Variants in SLC6A5 observed in about 807,000 individuals in gnomAD.
SLC6A5 encodes the protein sodium- and chloride-dependent glycine transporter 2.
Under a neutral mutation model 90.5 loss-of-function variants are expected in SLC6A5, and 58 were observed. The ratio of observed to expected loss-of-function variants is 0.64; its 90% CI spans 0.52 to 0.80. The LOEUF is 0.80. Among genes scored for constraint, SLC6A5 ranks in the 30% least tolerant of loss-of-function variants. The pLI is 0.00. For missense variants in SLC6A5, 1,015 were observed against 1,017.6 expected (o/e 1.00, Z 0.03); for synonymous variants, 427 against 401.4 (o/e 1.06, Z -0.76).
At chr11:20,606,867 A>T (rs1852591875) in intron 3 of SLC6A5, 140 bp from the exon 4 acceptor site, 3 of 1,013,124 alleles carry the variant, frequency 3.0e-6, no homozygotes, top group Non-Finnish European at 4.5e-6. Flanking sequence ...GAAACAGGAC[A>T]TCAAAGGGCT....
Position 20,607,090 on chromosome 11 carries a change from G to T in SLC6A5, c.763G>T (p.Ala255Ser). The T allele has an allele frequency of 6.2e-7, 1 of 1,614,100 alleles. No individual in the cohort carries two copies. Among genetic ancestry groups the T allele is most frequent in the Non-Finnish European group, 8.5e-7 (1 of 1,180,024 alleles). ...CTTGGAGGTGTCGCTGGGCCAGTTTGCCAGCCAGGGACCAGTGTCTGTGTG... is the reference window on the plus strand; with the variant it reads ...CTTGGAGGTGTCGCTGGGCCAGTTTTCCAGCCAGGGACCAGTGTCTGTGTG... ...FFLEVSLGQF[A>S]SQGPVSVWKA... The change falls in exon 4 of 16, where the codon GCC becomes TCC. Residue 255 changes from alanine (A) to serine (S), a missense_variant. Physicochemically the swap from Ala to Ser is moderately conservative, Grantham distance 99. Coordinates refer to ENST00000525748, the MANE Select transcript of SLC6A5 (RefSeq NM_004211.5).
In SLC6A5 at chr11:20,642,913, C is replaced by T. The variant is rs534745290; in HGVS notation, c.1970-3921C>T. 2.6e-5 allele frequency among the ~76,000 whole-genome samples: 4 copies of T among 152,314 alleles called. No homozygotes were observed. In the East Asian group the frequency reaches 7.7e-4, roughly 29 times the overall value. Reference sequence around the variant, plus strand: ...ACTGGCCCTGAAACCCAAGCCTTTTCACTCTTGGTCCCAGGACTGCTCCTC... The same window carrying T: ...ACTGGCCCTGAAACCCAAGCCTTTTTACTCTTGGTCCCAGGACTGCTCCTC... On this transcript the variant is annotated intron_variant, in intron 13 of 15. Coordinates refer to ENST00000525748, the MANE Select transcript of SLC6A5 (RefSeq NM_004211.5).
At chr11:20,613,270 G>A (rs1014827246) in intron 5 of SLC6A5, among the ~76,000 whole-genome samples, 2 of 152,182 alleles carry the variant, frequency 1.3e-5, no homozygotes, top group Non-Finnish European at 2.9e-5. Context: ...TGCATGTAAA[G>A]TACTTAAAAC....
intron 13 of SLC6A5, among the ~76,000 whole-genome samples, chr11:20,639,683 A>G (rs1466421529): frequency 2.6e-5 from 4 of 152,116 alleles, no homozygotes; most frequent in Non-Finnish European, 4.4e-5. Context: ...CTTTTCTGGA[A>G]AACTCATTAA....
intron 7 of SLC6A5, among the ~76,000 whole-genome samples, chr11:20,619,640 G>T (rs1312077534): frequency 6.0e-5 from 9 of 151,116 alleles, no homozygotes; most frequent in African/African-American, 2.2e-4. Flanking sequence ...TTTTTTTTTG[G>T]CCAATAAATG....
rs1853615280 is a variant in SLC6A5, at chr11:20,654,934, C to A, written c.*66C>A. The A allele has an allele frequency of 6.8e-7, 1 of 1,468,854 alleles. No individual in the cohort carries two copies. Among genetic ancestry groups the A allele is most frequent in the Non-Finnish European group, 9.5e-7 (1 of 1,047,502 alleles). The allele number at this position is 1,468,854 out of a possible 1,614,324, so 91.0% of individuals were successfully genotyped here. On this transcript the variant is annotated 3_prime_UTR_variant, in exon 16 of 16. Transcript: ENST00000525748. ...CTCTCTGCCTCCTCCTAATGTTTTC[C>A]ATAGCTCTCCTCCCATTTTTCTTCA... is the stretch of plus-strand genomic sequence containing the variant.
intron 3 of SLC6A5, among the ~76,000 whole-genome samples, chr11:20,605,098 T>A (rs922721102): frequency 2.0e-5 from 3 of 152,136 alleles, no homozygotes; most frequent in African/African-American, 7.2e-5. Flanking sequence ...CTATGCTCCC[T>A]TGTACCTCTT....
At chr11:20,646,445 G>A (rs900839018) in intron 13 of SLC6A5, among the ~76,000 whole-genome samples, 2 of 152,302 alleles carry the variant, frequency 1.3e-5, no homozygotes, top group Non-Finnish European at 1.5e-5. Context: ...AATATGCTCT[G>A]TTTATTGACC....
chr11:20,642,364 C>T (rs1853330815), intron 13 of SLC6A5, among the ~76,000 whole-genome samples: 1 of 152,114 alleles, frequency 6.6e-6, no homozygotes. Context: ...TCTTTGACAT[C>T]TCAGTTCAGG....
chr11:20,634,267 T>A (rs927558171), intron 10 of SLC6A5, among the ~76,000 whole-genome samples: 1 of 152,216 alleles, frequency 6.6e-6, no homozygotes, highest in African/African-American at 2.4e-5. Flanking sequence ...TTGGCCTTCA[T>A]CAGACTGGCC....
At chr11:20,650,391 G>A (rs1336497308) in intron 14 of SLC6A5, among the ~76,000 whole-genome samples, 1 of 152,192 alleles carries the variant, frequency 6.6e-6, no homozygotes, top group African/African-American at 2.4e-5. Context: ...TCTCATGGCT[G>A]TTGCTAGCCC....
chr11:20,645,382 G>A (rs1009143586), intron 13 of SLC6A5, among the ~76,000 whole-genome samples: 4 of 152,048 alleles, frequency 2.6e-5, no homozygotes, highest in Admixed American at 6.6e-5. Context: ...GGGAGAGGTG[G>A]CCAGTGAAGG....
At chr11:20,632,683 A>T (rs758119900) in intron 10 of SLC6A5, among the ~76,000 whole-genome samples, 9 of 152,168 alleles carry the variant, frequency 5.9e-5, no homozygotes, top group Non-Finnish European at 1.2e-4. Flanking sequence ...TGTGCTTTAC[A>T]GGCTTGTCTT....
chr11:20,605,920 G>A (rs1026456994), intron 3 of SLC6A5, among the ~76,000 whole-genome samples: 6 of 152,190 alleles, frequency 3.9e-5, no homozygotes, highest in African/African-American at 1.4e-4. Context: ...CTGCCCCTGG[G>A]CCTTCCTGGC....
chr11:20,656,717 G>A lies in SLC6A5; in HGVS notation c.*1849G>A, dbSNP rs1263855518. 1 of 152,108 alleles carries A rather than the reference G, an allele frequency of 6.6e-6. No individual in the cohort carries two copies. Among genetic ancestry groups the A allele is most frequent in the African/African-American group, 2.4e-5 (1 of 41,414 alleles). The allele number at this position is 152,108 out of a possible 1,614,324, so 9.4% of individuals were successfully genotyped here. Reference sequence around the variant, plus strand: ...TGTCTTTTGTCTGCAGTGTATATTTGTTCTCCCCTCTCCTTCTCCTCCTTT... The same window carrying A: ...TGTCTTTTGTCTGCAGTGTATATTTATTCTCCCCTCTCCTTCTCCTCCTTT... On this transcript the variant is annotated 3_prime_UTR_variant, in exon 16 of 16. Coordinates refer to ENST00000525748, the MANE Select transcript of SLC6A5 (RefSeq NM_004211.5).
At chr11:20,640,619 C>A (rs776898803) in intron 13 of SLC6A5, among the ~76,000 whole-genome samples, 9 of 151,314 alleles carry the variant, frequency 5.9e-5, no homozygotes, top group Admixed American at 1.3e-4. Flanking sequence ...TGTGGGTGTG[C>A]GCCTCTGATT....
At position 20,601,454 on chromosome 11, in the gene SLC6A5, G is replaced by A; in HGVS notation, c.329G>A (p.Gly110Glu). 1 of 1,609,490 alleles carries A rather than the reference G, an allele frequency of 6.2e-7. No homozygotes were observed. Residue 110 changes from glycine to glutamate, a missense_variant, in exon 2 of 16, where the codon GGG (glycine) becomes GAG (glutamate). This residue lies in a region of SLC6A5 where 567 missense variants were observed against 507.3 expected (regional missense o/e 1.12). Coordinates refer to ENST00000525748, the MANE Select transcript of SLC6A5 (RefSeq NM_004211.5). ...AQGAQASPPP[G>E]SSGPGNALHC... is the part of the protein sequence containing the mutation. ...GGCGCGCAGGCCTCGCCCCCTCCCGGGAGCTCCGGGCCCGGCAACGCGCTG... is the reference window on the plus strand; with the variant it reads ...GGCGCGCAGGCCTCGCCCCCTCCCGAGAGCTCCGGGCCCGGCAACGCGCTG...
At chr11:20,641,737 G>A (rs1853318278) in intron 13 of SLC6A5, among the ~76,000 whole-genome samples, 1 of 152,148 alleles carries the variant, frequency 6.6e-6, no homozygotes. Context: ...AGGTAAATGT[G>A]TGTGAGTATG....
chr11:20,636,009 G>A (rs1408456614), intron 10 of SLC6A5, among the ~76,000 whole-genome samples: 2 of 152,122 alleles, frequency 1.3e-5, no homozygotes, highest in Non-Finnish European at 2.9e-5. Flanking sequence ...TATGTACATG[G>A]TACACAGCCT....
Sources: allele counts gnomAD v4.1 joint callset (sites outside exome capture counted in the v4.1 genomes callset), GRCh38; gene constraint gnomAD v4.1.1; regional missense constraint gnomAD v4.1.1; transcripts MANE v1.5; gene names NCBI Gene and HGNC (gene_info 2026-07-23, HGNC 2026-07-21).